TMOD3: variants seen among roughly 807,000 people sequenced by gnomAD.
The protein encoded by TMOD3 is tropomodulin-3.
A neutral mutation model predicts 39.2 loss-of-function variants in TMOD3; 20 were observed. The observed-to-expected ratio is 0.51, with a 90% confidence interval of 0.36 to 0.74. The LOEUF is 0.74. TMOD3 is among the 30% of genes least tolerant of loss of function. The pLI is 0.00. For synonymous variants in TMOD3, 143 were observed against 145.8 expected, an observed-to-expected ratio of 0.98 and a Z score of 0.14; for missense variants, 381 against 412.8, an observed-to-expected ratio of 0.92 and a Z score of 0.67.
rs190470327 is a variant in TMOD3 at position 51,911,368 on chromosome 15, A to G, written c.*2558A>G. 1 of 152,354 alleles carries G rather than the reference A, an allele frequency of 6.6e-6. No individual in the cohort carries two copies. Among genetic ancestry groups the G allele is most frequent in the East Asian group, 1.9e-4 (1 of 5,192 alleles). 9.4% of individuals were successfully genotyped at this position (152,354 alleles called of 1,614,324 possible). ...TAGTAGTTCATTGTATAACTGAAAGAAATGATTTCTTCATAAGTGACATTA... is the reference window on the plus strand; with the variant it reads ...TAGTAGTTCATTGTATAACTGAAAGGAATGATTTCTTCATAAGTGACATTA... On this transcript the variant is annotated 3_prime_UTR_variant, in exon 10 of 10. Coordinates refer to ENST00000308580, the MANE Select transcript of TMOD3 (RefSeq NM_014547.5).
chr15:51,869,627 T>C (rs1254309740), intron 3 of TMOD3, among the ~76,000 whole-genome samples: 1 of 152,206 alleles, frequency 6.6e-6, no homozygotes, highest in African/African-American at 2.4e-5. Context: ...AATTCTCTAC[T>C]ATAACAGATC....
At chr15:51,857,578 A>G (rs1250772860) in intron 1 of TMOD3, among the ~76,000 whole-genome samples, 3 of 152,158 alleles carry the variant, frequency 2.0e-5, no homozygotes, top group African/African-American at 7.2e-5. Context: ...CCCTGTTAGA[A>G]TGATCATTGA....
chr15:51,863,030 G>A lies in TMOD3; in HGVS notation c.126+20G>A, dbSNP rs1238821853. 6.3e-7 allele frequency: 1 copy of A among 1,598,082 alleles called. No individual in the cohort carries two copies. The highest frequency in any genetic ancestry group is 8.5e-7 in the Non-Finnish European group (1 of 1,174,794). On this transcript the variant is annotated intron_variant, in intron 2 of 9. Coordinates refer to ENST00000308580, the MANE Select transcript of TMOD3 (RefSeq NM_014547.5). ...CCCGAGGTAGGTGCTAGGTGATGAA[G>A]AGAAATGAAATAACTTTTCGAATTC...
At chr15:51,896,332 A>G (rs1338509698) in intron 6 of TMOD3, 87 bp from the exon 7 acceptor site, 7 of 923,618 alleles carry the variant, frequency 7.6e-6, no homozygotes, top group Non-Finnish European at 1.1e-5. Context: ...TACATTTTAA[A>G]GCAAAAAAAA....
At chr15:51,850,008 G>A (rs1162631254) in intron 1 of TMOD3, among the ~76,000 whole-genome samples, 1 of 152,050 alleles carries the variant, frequency 6.6e-6, no homozygotes, top group Non-Finnish European at 1.5e-5. Context: ...GATCAGTTTG[G>A]GTGGAGTGAG....
At chr15:51,908,548 CT>C (rs1238390577) in intron 9 of TMOD3, among the ~76,000 whole-genome samples, 2 of 150,036 alleles carry the variant, frequency 1.3e-5, no homozygotes, top group Admixed American at 1.3e-4. Flanking sequence ...GCATGTAATT[CT>C]TTTGTTGAAG....
intron 9 of TMOD3, among the ~76,000 whole-genome samples, chr15:51,906,860 A>G (rs879758077): frequency 3.3e-5 from 5 of 152,094 alleles, no homozygotes; most frequent in Non-Finnish European, 7.4e-5. Flanking sequence ...TCTACTTTAA[A>G]AAGTACAAAA....
chr15:51,844,759 A>T (rs942195042), intron 1 of TMOD3, among the ~76,000 whole-genome samples: 8 of 152,226 alleles, frequency 5.3e-5, no homozygotes, highest in African/African-American at 1.4e-4. Context: ...TCATGGAAAC[A>T]TGTCTAACTT....
At chr15:51,859,187 C>A in intron 1 of TMOD3, 1 of 724,860 alleles carries the variant, frequency 1.4e-6, no homozygotes, top group Non-Finnish European at 2.6e-6. Flanking sequence ...TTCCTCTTCA[C>A]AAACGGCCAG....
Position 51,909,678 on chromosome 15 carries a change from A to G in TMOD3, c.*868A>G, listed in dbSNP as rs1246704888. On this transcript the variant is annotated 3_prime_UTR_variant, in exon 10 of 10. Coordinates refer to ENST00000308580, the MANE Select transcript of TMOD3 (RefSeq NM_014547.5). The stretch of plus-strand genomic sequence containing the variant: ...AGAAAACTGTTAAACAATGAAATCA[A>G]AGATAATAAATATGATAGATTTCCA... 1 of 152,276 alleles carries G rather than the reference A, an allele frequency of 6.6e-6. No homozygotes were observed. Among genetic ancestry groups the G allele is most frequent in the Non-Finnish European group, 1.5e-5 (1 of 68,050 alleles). 9.4% of individuals were successfully genotyped at this position (152,276 alleles called of 1,614,324 possible). A position where few individuals can be genotyped will look rare whatever the true frequency, so the allele number is the denominator to read the frequency against.
Position 51,902,049 on chromosome 15 carries a change from A to G in TMOD3, c.1024+13A>G, listed in dbSNP as rs781063834. On this transcript the variant is annotated intron_variant, in intron 9 of 9. Transcript: ENST00000308580. Reference sequence around the variant, plus strand: ...AACAATGACTTAGGTAAGACATAGTATCGATCAAGTTTCTGAGTTCTATCA... The same window carrying G: ...AACAATGACTTAGGTAAGACATAGTGTCGATCAAGTTTCTGAGTTCTATCA... 6.2e-7 allele frequency: 1 copy of G among 1,611,934 alleles called. No individual in the cohort carries two copies. Among genetic ancestry groups the G allele is most frequent in the South Asian group, 1.1e-5 (1 of 90,492 alleles).
At chr15:51,859,050 A>G (rs564209879) in intron 1 of TMOD3, 16 of 411,996 alleles carry the variant, frequency 3.9e-5, no homozygotes, top group African/African-American at 3.3e-4. Context: ...TTAATATAAA[A>G]TTAAAGTGTG....
In TMOD3 at chr15:51,875,512, C is replaced by T. The variant is rs147468027; in HGVS notation, c.283+6139C>T. Among the ~76,000 whole-genome samples the T allele has an allele frequency of 1.5e-4, 23 of 151,818 alleles. 1 individual carries two copies. In the South Asian group the frequency reaches 1.7e-3, roughly 11 times the overall value. Reference sequence around the variant, plus strand: ...TGGACGGCTTGTTACTCATGTTAACCGGTTTCATGGGGAACATTTCCTGGA... The same window carrying T: ...TGGACGGCTTGTTACTCATGTTAACTGGTTTCATGGGGAACATTTCCTGGA... On this transcript the variant is annotated intron_variant, in intron 3 of 9. Coordinates refer to ENST00000308580, the MANE Select transcript of TMOD3 (RefSeq NM_014547.5).
intron 7 of TMOD3, 63 bp from the exon 8 acceptor site, chr15:51,900,092 T>C: frequency 6.8e-7 from 1 of 1,466,156 alleles, no homozygotes; most frequent in Non-Finnish European, 9.4e-7. Context: ...ATTTATGGCA[T>C]GTACAATATG....
chr15:51,904,774 G>A (rs1054977687), intron 9 of TMOD3, among the ~76,000 whole-genome samples: 2 of 152,204 alleles, frequency 1.3e-5, no homozygotes, highest in Admixed American at 6.5e-5. Context: ...ATGCAAGATG[G>A]GGTGTGGGGG....
In TMOD3 at chr15:51,896,662, G is replaced by A. The variant is rs949387674; in HGVS notation, c.735+136G>A. On this transcript the variant is annotated intron_variant, in intron 7 of 9. Coordinates refer to ENST00000308580, the MANE Select transcript of TMOD3 (RefSeq NM_014547.5). ...CTATTAGGCAGTATATTACTTACCA[G>A]CTTTTTGTGTTTATTTTTTCCTGTA... 1.7e-5 allele frequency: 9 copies of A among 529,788 alleles called. No homozygotes were observed. The African/African-American group carries it at 1.7e-4, about 10-fold the overall frequency. The allele number at this position is 529,788 out of a possible 1,614,324, so 32.8% of individuals were successfully genotyped here.
intron 2 of TMOD3, among the ~76,000 whole-genome samples, chr15:51,867,082 G>C (rs1009775275): frequency 3.9e-5 from 6 of 151,994 alleles, no homozygotes; most frequent in Non-Finnish European, 4.4e-5. Context: ...AAGTACAAGA[G>C]AGAAAAAAAA....
At chr15:51,880,269 C>G (rs893464997) in intron 3 of TMOD3, among the ~76,000 whole-genome samples, 1 of 151,758 alleles carries the variant, frequency 6.6e-6, no homozygotes, top group Non-Finnish European at 1.5e-5. Flanking sequence ...TACTGAAGAC[C>G]AAAAAACCCA....
chr15:51,850,984 T>C lies in TMOD3; in HGVS notation c.-74-11827T>C, dbSNP rs1246225402. Among the ~76,000 whole-genome samples the C allele has an allele frequency of 2.6e-5, 4 of 152,160 alleles. No homozygotes were observed. In the East Asian group the frequency reaches 7.7e-4, roughly 29 times the overall value. On this transcript the variant is annotated intron_variant, in intron 1 of 9. Coordinates refer to ENST00000308580, the MANE Select transcript of TMOD3 (RefSeq NM_014547.5). ...TCTTGACCTCGTAATTCGCCAACCT[T>C]GGCCTCCCAAAGTGTACAGGCATGA...
Sources: gnomAD v4.1 joint callset for allele counts (sites outside exome capture counted in the v4.1 genomes callset) on GRCh38, gnomAD v4.1.1 for gene constraint, MANE v1.5 for transcripts, NCBI Gene and HGNC (gene_info 2026-07-23, HGNC 2026-07-21) for gene names.